The following PRDM5 variants were observed in gnomAD, a reference collection of about 807,000 sequenced individuals.
PRDM5 encodes the protein PR domain zinc finger protein 5.
Under a neutral mutation model 81.2 loss-of-function variants are expected in PRDM5, and 56 were observed. The observed-to-expected ratio is 0.69, with a 90% CI of 0.56 to 0.86. The LOEUF (loss-of-function observed/expected upper bound fraction) is 0.86, where lower values mean the gene tolerates loss of function less well. Ranked by LOEUF, PRDM5 falls within the 40% of genes least tolerant of loss-of-function variation. PRDM5 has a pLI of 0.00. For synonymous variants in PRDM5, 267 were observed against 256.4 expected, an observed-to-expected ratio of 1.04 and a Z score of -0.39; for missense variants, 697 against 770.1, an observed-to-expected ratio of 0.91 and a Z score of 1.12.
chr4:120,813,796 C>T (rs1754150254), intron 7 of PRDM5, among the ~76,000 whole-genome samples: 1 of 152,168 alleles, frequency 6.6e-6, no homozygotes, highest in South Asian at 2.1e-4. Flanking sequence ...ACCAATAATC[C>T]TTTATTGCCC....
At chr4:120,906,913 T>C (rs551375277) in intron 2 of PRDM5, among the ~76,000 whole-genome samples, 100 of 149,772 alleles carry the variant, frequency 6.7e-4, no homozygotes, top group African/African-American at 2.3e-3. Context: ...AAGTCAAACA[T>C]CACTATACCT....
chr4:120,742,897 G>C (rs1742300868), intron 14 of PRDM5, among the ~76,000 whole-genome samples: 1 of 152,132 alleles, frequency 6.6e-6, no homozygotes, highest in Non-Finnish European at 1.5e-5. Context: ...TAGCAAGGCA[G>C]GCCAACGTTC....
intron 14 of PRDM5, among the ~76,000 whole-genome samples, chr4:120,751,111 A>G (rs1163292138): frequency 1.3e-5 from 2 of 152,280 alleles, no homozygotes; most frequent in Non-Finnish European, 2.9e-5. Context: ...TGGCACAGTC[A>G]TAGCTCACTG....
intron 14 of PRDM5, among the ~76,000 whole-genome samples, chr4:120,719,012 G>A (rs1045209608): frequency 2.0e-5 from 3 of 152,194 alleles, no homozygotes; most frequent in Admixed American, 2.0e-4. Flanking sequence ...TTTCTAGCCT[G>A]TACTAAGAAA....
intron 14 of PRDM5, among the ~76,000 whole-genome samples, chr4:120,720,112 T>C (rs992157659): frequency 2.6e-5 from 4 of 152,136 alleles, no homozygotes; most frequent in Admixed American, 1.3e-4. Flanking sequence ...GCCAAGCTGT[T>C]CACATGTGTC....
At chr4:120,859,133 CA>C (rs1020622072) in intron 2 of PRDM5, among the ~76,000 whole-genome samples, 1 of 151,986 alleles carries the variant, frequency 6.6e-6, no homozygotes, top group African/African-American at 2.4e-5. Context: ...AAACTGGGCC[CA>C]CAACGGCTAC....
intron 2 of PRDM5, among the ~76,000 whole-genome samples, chr4:120,881,470 G>T (rs72680460): frequency 0.13 from 20,477 of 152,084 alleles, 1,483 homozygotes; most frequent in South Asian, 0.21. Context: ...AAAACTAAAT[G>T]CAAATATTTT....
intron 12 of PRDM5, among the ~76,000 whole-genome samples, chr4:120,780,217 G>A (rs1199149927): frequency 6.6e-6 from 1 of 151,952 alleles, no homozygotes; most frequent in Non-Finnish European, 1.5e-5. Context: ...CACTTTCAGA[G>A]GAGGATAGCT....
intron 10 of PRDM5, among the ~76,000 whole-genome samples, chr4:120,795,905 T>C (rs1406838855): frequency 6.6e-6 from 1 of 152,144 alleles, no homozygotes; most frequent in African/African-American, 2.4e-5. Flanking sequence ...AGAGTGAGAC[T>C]CTATTTCAAA....
chr4:120,770,020 ATTTG>A (rs66903785), intron 13 of PRDM5, among the ~76,000 whole-genome samples: 41,450 of 151,032 alleles, frequency 0.27, 6,155 homozygotes, highest in African/African-American at 0.37. Flanking sequence ...TTATTTATTT[ATTTG>A]TTTGTTTGTT....
At chr4:120,806,307 C>CAATTTAAA (rs1752919697) in intron 8 of PRDM5, among the ~76,000 whole-genome samples, 1 of 152,164 alleles carries the variant, frequency 6.6e-6, no homozygotes, top group African/African-American at 2.4e-5. Flanking sequence ...CCATCCCTAT[C>CAATTTAAA]AAGCTACTAA....
downstream of PRDM5, among the ~76,000 whole-genome samples, chr4:120,687,249 T>C (rs1469131619): frequency 6.6e-6 from 1 of 152,118 alleles, no homozygotes; most frequent in Non-Finnish European, 1.5e-5. Flanking sequence ...TAGAACTTTT[T>C]CATCTCACAA....
chr4:120,917,706 G>T (rs2148714345), intron 1 of PRDM5, among the ~76,000 whole-genome samples: 1 of 150,176 alleles, frequency 6.7e-6, no homozygotes, highest in African/African-American at 2.4e-5. Flanking sequence ...CAGAGCCAAG[G>T]TAGATACAGG....
intron 2 of PRDM5, among the ~76,000 whole-genome samples, chr4:120,867,579 A>C (rs1424762795): frequency 2.0e-5 from 3 of 152,198 alleles, no homozygotes; most frequent in Admixed American, 1.3e-4. Flanking sequence ...TCACCTCATA[A>C]AGACATAATA....
intron 2 of PRDM5, among the ~76,000 whole-genome samples, chr4:120,882,622 A>C (rs1158367731): frequency 6.6e-6 from 1 of 152,244 alleles, no homozygotes; most frequent in East Asian, 1.9e-4. Flanking sequence ...ATACATAAAT[A>C]CCATGTATAT....
At chr4:120,752,610 G>A (rs1744166112) in intron 14 of PRDM5, among the ~76,000 whole-genome samples, 1 of 152,090 alleles carries the variant, frequency 6.6e-6, no homozygotes, top group South Asian at 2.1e-4. Flanking sequence ...TTAAATTTGG[G>A]GTCATTACTG....
At position 120,922,499 on chromosome 4, in the gene PRDM5, G is replaced by C; in HGVS notation, c.93+17C>G. On this transcript the variant is annotated intron_variant, in intron 1 of 15. Coordinates refer to ENST00000264808, the MANE Select transcript of PRDM5 (RefSeq NM_018699.4). ...CGCGAGGTGCAGGGGCGCGCAGGCC[G>C]CCGCCGGGTCACCCACCTTTCGCAC... 6.3e-7 allele frequency: 1 copy of C among 1,586,184 alleles called. No homozygotes were observed. The highest frequency in any genetic ancestry group is 8.6e-7 in the Non-Finnish European group (1 of 1,167,568).
At chr4:120,863,500 A>G (rs951712249) in intron 2 of PRDM5, among the ~76,000 whole-genome samples, 1 of 152,126 alleles carries the variant, frequency 6.6e-6, no homozygotes, top group African/African-American at 2.4e-5. Context: ...ATGGGATACA[A>G]ATTTGCAAAT....
chr4:120,684,577 G>T (rs528525153), downstream of PRDM5, among the ~76,000 whole-genome samples: 18 of 151,836 alleles, frequency 1.2e-4, no homozygotes, highest in Non-Finnish European at 2.4e-4. Context: ...GGCTGCTCAG[G>T]CTCCCTTTAT....
Sources: allele counts gnomAD v4.1 joint callset (sites outside exome capture counted in the v4.1 genomes callset), GRCh38; gene constraint gnomAD v4.1.1; transcripts MANE v1.5; gene names NCBI Gene and HGNC (gene_info 2026-07-23, HGNC 2026-07-21).